PTPN4: variants seen among roughly 807,000 people sequenced by gnomAD.
PTPN4 encodes protein tyrosine phosphatase non-receptor type 4, also known as tyrosine-protein phosphatase non-receptor type 4.
Under a neutral mutation model 135.5 loss-of-function variants are expected in PTPN4, and 49 were observed. The ratio of observed to expected loss-of-function variants is 0.36; its 90% CI spans 0.29 to 0.46. The LOEUF (loss-of-function observed/expected upper bound fraction) is 0.46, where lower values mean the gene tolerates loss of function less well. PTPN4 is among the 20% of genes least tolerant of loss of function. The pLI is 1.00. For missense variants in PTPN4, 860 were observed against 1,101.0 expected, an observed-to-expected ratio of 0.78 and a Z score of 3.10; for synonymous variants, 333 against 369.9, an observed-to-expected ratio of 0.90 and a Z score of 1.14.
intron 1 of PTPN4, among the ~76,000 whole-genome samples, chr2:119,789,426 G>T (rs1380779418): frequency 6.6e-6 from 1 of 152,030 alleles, no homozygotes; most frequent in East Asian, 1.9e-4. Flanking sequence ...TTTTAATTTT[G>T]ATGAAGTCCA....
At chr2:119,951,580 T>G (rs1412419853) in intron 18 of PTPN4, among the ~76,000 whole-genome samples, 1 of 152,220 alleles carries the variant, frequency 6.6e-6, no homozygotes, top group Admixed American at 6.5e-5. Flanking sequence ...TTTACAGTTA[T>G]TCACGGTAAA....
intron 12 of PTPN4, among the ~76,000 whole-genome samples, chr2:119,922,243 TCGGC>T (rs200419473): frequency 0.025 from 3,641 of 145,332 alleles, 151 homozygotes; most frequent in African/African-American, 0.086. Flanking sequence ...AAAAAAAAGA[TCGGC>T]CGGGAAGGGA....
At chr2:119,777,407 A>G (rs752216085) in intron 1 of PTPN4, among the ~76,000 whole-genome samples, 16 of 152,112 alleles carry the variant, frequency 1.1e-4, no homozygotes, top group Non-Finnish European at 1.8e-4. Flanking sequence ...TATACTATAT[A>G]TATTTTTTTC....
chr2:119,854,874 T>A (rs916690166), intron 2 of PTPN4, among the ~76,000 whole-genome samples: 1 of 152,192 alleles, frequency 6.6e-6, no homozygotes, highest in African/African-American at 2.4e-5. Context: ...TTTCTTCTAC[T>A]TGACTAGAGG....
intron 10 of PTPN4, among the ~76,000 whole-genome samples, chr2:119,908,395 A>T (rs1270251368): frequency 5.9e-5 from 9 of 152,108 alleles, no homozygotes; most frequent in East Asian, 1.9e-4. Flanking sequence ...TCTTTGTGTC[A>T]TATTTTGGTA....
intron 9 of PTPN4, among the ~76,000 whole-genome samples, chr2:119,890,366 ATTT>A (rs1174398500): frequency 6.6e-6 from 1 of 151,340 alleles, no homozygotes; most frequent in Admixed American, 6.6e-5. Context: ...TGTATGGAGT[ATTT>A]TTTTCCATCC....
Position 119,956,880 on chromosome 2 carries a change from T to G in PTPN4, c.2017T>G (p.Cys673Gly), listed in dbSNP as rs143794214. 3.1e-6 allele frequency: 5 copies of G among 1,609,044 alleles called. No homozygotes were observed. The highest frequency in any genetic ancestry group is 4.2e-6 in the Non-Finnish European group (5 of 1,178,876). ...GAAAAAACCTGGAATGACAATGTCC[T>G]GTGCCAAATTACCTCAGAATATTTC... ...YRKKPGMTMSCAKLPQNISKN... is the reference protein window; with the variant it reads ...YRKKPGMTMSGAKLPQNISKN... The change falls in exon 21 of 27, where the codon TGT becomes GGT. Residue 673 changes from cysteine (C) to glycine (G), a missense_variant. Around this residue, in one of 2 missense-constraint regions of PTPN4, gnomAD observed 684 missense variants for 807.0 expected, o/e 0.85. Coordinates refer to ENST00000263708, the MANE Select transcript of PTPN4 (RefSeq NM_002830.4).
At chr2:119,943,945 C>T (rs1212073687) in intron 15 of PTPN4, among the ~76,000 whole-genome samples, 2 of 152,092 alleles carry the variant, frequency 1.3e-5, no homozygotes, top group Non-Finnish European at 2.9e-5. Context: ...CACTTCTACC[C>T]ACATGTCATT....
intron 2 of PTPN4, 151 bp downstream of exon 2, chr2:119,810,142 T>C: frequency 1.1e-6 from 1 of 882,140 alleles, no homozygotes; most frequent in Non-Finnish European, 1.6e-6. Flanking sequence ...ATTAGATGCA[T>C]GCTCTCATTC....
chr2:119,904,727 G>A (rs1056547509), intron 10 of PTPN4, among the ~76,000 whole-genome samples: 4 of 152,166 alleles, frequency 2.6e-5, no homozygotes, highest in Admixed American at 6.5e-5. Context: ...GGCCAGGAGC[G>A]AATATGGTGG....
intron 1 of PTPN4, among the ~76,000 whole-genome samples, chr2:119,776,351 GT>G (rs1690836373): frequency 1.3e-5 from 2 of 151,914 alleles, no homozygotes; most frequent in Admixed American, 1.3e-4. Flanking sequence ...AATTTTTTGT[GT>G]TTTTAGTAGA....
intron 10 of PTPN4, among the ~76,000 whole-genome samples, chr2:119,905,404 AAG>A (rs1352027633): frequency 6.6e-6 from 1 of 152,224 alleles, no homozygotes; most frequent in Non-Finnish European, 1.5e-5. Context: ...TCAAATGATA[AAG>A]GGATCAATTC....
chr2:119,867,872 T>C (rs901339887), intron 3 of PTPN4, among the ~76,000 whole-genome samples: 2 of 152,206 alleles, frequency 1.3e-5, no homozygotes, highest in African/African-American at 4.8e-5. Flanking sequence ...TAGGGACAGT[T>C]TTACTTCCTC....
intron 2 of PTPN4, among the ~76,000 whole-genome samples, chr2:119,831,423 T>A (rs1677218260): frequency 6.6e-6 from 1 of 152,208 alleles, no homozygotes; most frequent in African/African-American, 2.4e-5. Flanking sequence ...ATTTTTGGAC[T>A]CTCTATTATT....
chr2:119,765,271 A>G (rs1489605009), intron 1 of PTPN4, among the ~76,000 whole-genome samples: 4 of 152,224 alleles, frequency 2.6e-5, no homozygotes, highest in Non-Finnish European at 5.9e-5. Context: ...AAAGCCACCA[A>G]GGTCAATGAA....
rs1679739006 is a variant in PTPN4 at position 119,984,616 on chromosome 2, G to C, written c.*7546G>C. Among the ~76,000 whole-genome samples, 1 of 152,162 alleles carries C rather than the reference G, an allele frequency of 6.6e-6. No individual in the cohort carries two copies. On this transcript the variant is annotated 3_prime_UTR_variant, in exon 27 of 27. Transcript: ENST00000263708. ...TGTCACTGCAGCTTACTGTATGCTT[G>C]AAAGGCCTTGTGTGTTTGTCTTAAT... is the stretch of plus-strand genomic sequence containing the variant.
In PTPN4 at chr2:119,983,894, A is replaced by G. The variant is rs555269089; in HGVS notation, c.*6824A>G. On this transcript the variant is annotated 3_prime_UTR_variant, in exon 27 of 27. Coordinates refer to ENST00000263708, the MANE Select transcript of PTPN4 (RefSeq NM_002830.4). The stretch of plus-strand genomic sequence containing the variant: ...TGCTTTGGATTTTTTTGTGCATCAC[A>G]TGAATACTTAGAAATCCATTTGTTT... The G allele has an allele frequency of 6.6e-6, 1 of 152,192 alleles. No individual in the cohort carries two copies. Among genetic ancestry groups the G allele is most frequent in the Non-Finnish European group, 1.5e-5 (1 of 68,042 alleles). The allele number at this position is 152,192 out of a possible 1,614,324, so 9.4% of individuals were successfully genotyped here.
At chr2:119,927,846 G>C (rs189807903) in intron 13 of PTPN4, among the ~76,000 whole-genome samples, 4 of 152,270 alleles carry the variant, frequency 2.6e-5, no homozygotes, top group African/African-American at 9.6e-5. Context: ...TTATCTAAGA[G>C]ACCTTCCTTC....
chr2:119,879,704 T>A (rs1678042922), intron 5 of PTPN4, among the ~76,000 whole-genome samples: 1 of 152,184 alleles, frequency 6.6e-6, no homozygotes, highest in Non-Finnish European at 1.5e-5. Flanking sequence ...ATGTGATGGT[T>A]ATGATTAGTA....
Sources: allele counts gnomAD v4.1 joint callset (sites outside exome capture counted in the v4.1 genomes callset), GRCh38; gene constraint gnomAD v4.1.1; regional missense constraint gnomAD v4.1.1; transcripts MANE v1.5; gene names NCBI Gene and HGNC (gene_info 2026-07-23, HGNC 2026-07-21).